KCNG3: variants seen among roughly 807,000 people sequenced by gnomAD.
KCNG3 encodes potassium voltage-gated channel modifier subfamily G member 3, also known as voltage-gated potassium channel regulatory subunit KCNG3.
In KCNG3, 15 loss-of-function variants were observed where a neutral mutation model predicts 29.0. The ratio of observed to expected loss-of-function variants is 0.52; its 90% CI spans 0.35 to 0.80. The LOEUF (loss-of-function observed/expected upper bound fraction) is 0.80. Ranked by LOEUF, KCNG3 falls within the 30% of genes least tolerant of loss-of-function variation. The probability of loss-of-function intolerance (pLI) is 0.01; values close to 1 mark genes in which losing one functional copy is unlikely to be tolerated. For synonymous variants in KCNG3, 322 were observed against 248.9 expected (o/e 1.29, Z -2.76); for missense variants, 512 against 605.7 (o/e 0.85, Z 1.62).
chr2:42,475,733 A>G (rs1278264114), intron 1 of KCNG3, among the ~76,000 whole-genome samples: 1 of 152,018 alleles, frequency 6.6e-6, no homozygotes, highest in Non-Finnish European at 1.5e-5. Flanking sequence ...ATAGGATGCA[A>G]TTGATCAAAA....
intron 1 of KCNG3, among the ~76,000 whole-genome samples, chr2:42,461,328 G>C (rs943833767): frequency 6.6e-6 from 1 of 151,814 alleles, no homozygotes; most frequent in Non-Finnish European, 1.5e-5. Flanking sequence ...CTCTGAACTG[G>C]CTCCATGGAC....
At chr2:42,406,543 C>T in the KCNG3 span, among the ~76,000 whole-genome samples, 4 of 149,968 alleles carry the variant, frequency 2.7e-5, no homozygotes, top group Non-Finnish European at 5.9e-5. Flanking sequence ...AGAGGTGAGG[C>T]AGGCTGGGCA....
chr2:42,472,601 G>C (rs1297974825), intron 1 of KCNG3, among the ~76,000 whole-genome samples: 1 of 151,392 alleles, frequency 6.6e-6, no homozygotes, highest in Non-Finnish European at 1.5e-5. Context: ...CTGGGTTCCA[G>C]CGATTCTCCA....
the KCNG3 span, among the ~76,000 whole-genome samples, chr2:42,418,479 C>A: frequency 6.6e-6 from 1 of 152,152 alleles, no homozygotes; most frequent in Non-Finnish European, 1.5e-5. Context: ...CTGTTGAGTT[C>A]AATCTGGAAT....
Position 42,492,917 on chromosome 2 carries a change from G to C in KCNG3, c.585C>G (p.Asp195Glu). 6.3e-7 allele frequency: 1 copy of C among 1,584,020 alleles called. No homozygotes were observed. Among genetic ancestry groups the C allele is most frequent in the Non-Finnish European group, 8.6e-7 (1 of 1,169,226 alleles). ...GGTTGTCGGCGGCTGCGTTGCGCCA[G>C]TCGGGCAACGTGCTGGCGCACAGCA... is the stretch of plus-strand genomic sequence containing the variant. ...MVVLCASTLP[D>E]WRNAAADNRS... Residue 195 changes from aspartate to glutamate, a missense_variant, in exon 1 of 2, where the codon GAC (aspartate) becomes GAG (glutamate). Physicochemically the swap from Asp to Glu is conservative, Grantham distance 45. Coordinates refer to ENST00000306078, the MANE Select transcript of KCNG3 (RefSeq NM_133329.6).
chr2:42,395,397 A>G, the KCNG3 span, among the ~76,000 whole-genome samples: 1 of 152,170 alleles, frequency 6.6e-6, no homozygotes, highest in South Asian at 2.1e-4. Flanking sequence ...GACTGGTGGA[A>G]AGGCTGTTTA....
intron 1 of KCNG3, among the ~76,000 whole-genome samples, chr2:42,472,519 A>G (rs1673314076): frequency 6.8e-6 from 1 of 146,014 alleles, no homozygotes; most frequent in Admixed American, 6.8e-5. Flanking sequence ...TTTTTTTTTG[A>G]GACAAGGACT....
chr2:42,396,584 G>C, the KCNG3 span, among the ~76,000 whole-genome samples: 1 of 152,284 alleles, frequency 6.6e-6, no homozygotes, highest in East Asian at 1.9e-4. Context: ...ATTTCTACCT[G>C]AGTCCACAAG....
At chr2:42,393,188 T>C in the KCNG3 span, among the ~76,000 whole-genome samples, 1 of 151,554 alleles carries the variant, frequency 6.6e-6, no homozygotes, top group Admixed American at 6.6e-5. Context: ...AAACAGTACT[T>C]GACATGCAAT....
the KCNG3 span, among the ~76,000 whole-genome samples, chr2:42,429,854 G>A: frequency 5.9e-5 from 9 of 152,158 alleles, no homozygotes; most frequent in Non-Finnish European, 8.8e-5. Flanking sequence ...GAAACAATGC[G>A]GGTGAGAGTG....
At chr2:42,419,993 C>T in the KCNG3 span, among the ~76,000 whole-genome samples, 4 of 152,082 alleles carry the variant, frequency 2.6e-5, no homozygotes, top group African/African-American at 7.2e-5. Flanking sequence ...GAGGCTGAGG[C>T]GGGCAGATCA....
intron 1 of KCNG3, among the ~76,000 whole-genome samples, chr2:42,445,376 C>G (rs1448945395): frequency 6.6e-6 from 1 of 152,134 alleles, no homozygotes; most frequent in Admixed American, 6.6e-5. Flanking sequence ...AATGCAAGAT[C>G]ATTTCCTAAA....
intron 1 of KCNG3, among the ~76,000 whole-genome samples, chr2:42,456,324 T>A (rs564387818): frequency 6.6e-5 from 10 of 152,030 alleles, no homozygotes; most frequent in Admixed American, 2.0e-4. Flanking sequence ...TTCTTAGTAG[T>A]TCGAGTCCAG....
At chr2:42,399,402 C>T in the KCNG3 span, among the ~76,000 whole-genome samples, 47 of 152,226 alleles carry the variant, frequency 3.1e-4, no homozygotes, top group Non-Finnish European at 5.7e-4. Context: ...ATTGTAGATA[C>T]TATTCCTCTG....
chr2:42,450,598 A>G (rs1270220730), intron 1 of KCNG3, among the ~76,000 whole-genome samples: 2 of 152,256 alleles, frequency 1.3e-5, no homozygotes, highest in Non-Finnish European at 2.9e-5. Flanking sequence ...AGTTCCAAAC[A>G]TATAGATGTT....
the KCNG3 span, among the ~76,000 whole-genome samples, chr2:42,395,177 T>C: frequency 6.6e-6 from 1 of 152,150 alleles, no homozygotes. Flanking sequence ...TACAAGCCCA[T>C]GGGGACAAAC....
chr2:42,466,479 A>G (rs1002910961), intron 1 of KCNG3, among the ~76,000 whole-genome samples: 2 of 152,226 alleles, frequency 1.3e-5, no homozygotes, highest in Non-Finnish European at 2.9e-5. Flanking sequence ...AACTGCCTAC[A>G]GTATTCAGTA....
intron 1 of KCNG3, among the ~76,000 whole-genome samples, chr2:42,478,772 G>A (rs1358742686): frequency 6.6e-6 from 1 of 152,098 alleles, no homozygotes; most frequent in Non-Finnish European, 1.5e-5. Flanking sequence ...TCTTGGTTAT[G>A]CCTCAAGAGT....
At chr2:42,492,516 G>A (rs1350824606) in intron 1 of KCNG3, among the ~76,000 whole-genome samples, 2 of 152,228 alleles carry the variant, frequency 1.3e-5, no homozygotes, top group East Asian at 3.8e-4. Context: ...TCAGAAAAAT[G>A]TAATTAGCAG....
Sources: allele counts gnomAD v4.1 joint callset (sites outside exome capture counted in the v4.1 genomes callset), GRCh38; gene constraint gnomAD v4.1.1; transcripts MANE v1.5; gene names NCBI Gene and HGNC (gene_info 2026-07-23, HGNC 2026-07-21).